The following PJA2 variants were observed in gnomAD, a reference collection of about 807,000 sequenced individuals.
The protein encoded by PJA2 is E3 ubiquitin-protein ligase Praja-2.
Under a neutral mutation model 69.3 loss-of-function variants are expected in PJA2, and 25 were observed. The observed-to-expected ratio is 0.36, with a 90% confidence interval of 0.26 to 0.50. The LOEUF (loss-of-function observed/expected upper bound fraction) is 0.50, where lower values mean the gene tolerates loss of function less well. PJA2 is among the 20% of genes least tolerant of loss of function. The pLI, the probability that PJA2 is intolerant of heterozygous loss-of-function variation, is 0.96. For missense variants in PJA2, 809 were observed against 830.2 expected (o/e 0.97, Z 0.31); for synonymous variants, 308 against 277.8 (o/e 1.11, Z -1.08).
rs1279409301 is a variant in PJA2, at chr5:109,368,575, T to G, written c.1455A>C (p.Leu485Phe). 2.5e-6 allele frequency: 4 copies of G among 1,613,480 alleles called. No homozygotes were observed. The Admixed American group carries it at 5.0e-5, about 20-fold the overall frequency. ...SSGPEEENQE[L>F]SLQEGEQTSL... is the part of the protein sequence containing the mutation. ...GTTGAACATACCCTTCCTGAAGAGA[T>G]AATTCTTGGTTTTCTTCTTCAGGGC... Residue 485 changes from leucine to phenylalanine, a missense_variant, in exon 5 of 10, where the codon TTA becomes TTC. By Grantham distance (22) the Leu-to-Phe change is conservative. Transcript: ENST00000361189.
intron 9 of PJA2, among the ~76,000 whole-genome samples, chr5:109,343,985 T>C (rs1298020738): frequency 6.6e-6 from 1 of 150,468 alleles, no homozygotes; most frequent in Non-Finnish European, 1.5e-5. Context: ...TAATCCCAGC[T>C]ACTTGGGAGG....
chr5:109,384,858 C>T (rs1156320336), intron 1 of PJA2, among the ~76,000 whole-genome samples: 2 of 152,060 alleles, frequency 1.3e-5, no homozygotes, highest in Non-Finnish European at 2.9e-5. Context: ...TGCTCTGTCG[C>T]CCAGGCTGGA....
chr5:109,353,740 C>CTATGATATCTAGAGATATCTA (rs1554053552), intron 7 of PJA2, among the ~76,000 whole-genome samples: 1 of 118,464 alleles, frequency 8.4e-6, no homozygotes, highest in Non-Finnish European at 1.8e-5. Context: ...ATCTAGATAT[C>CTATGATATCTAGAGATATCTA]TAGATTAGAT....
Position 109,378,569 on chromosome 5 carries a change from A to G in PJA2, c.918T>C (p.His306=). 1.2e-6 allele frequency: 2 copies of G among 1,614,102 alleles called. No individual in the cohort carries two copies. Among genetic ancestry groups the G allele is most frequent in the African/African-American group, 1.3e-5 (1 of 75,014 alleles). The change falls in exon 4 of 10, where the codon CAT becomes CAC. Residue 306 remains histidine (H), a synonymous_variant. Transcript: ENST00000361189. ...TCACTACCTGTTCAGGAGAACTTCC[A>G]TGGTTCTTTTCCCTATCATTGGTAT... ...EQNTNDREKN[H]GSSPEQVVRP...
chr5:109,401,145 G>A (rs1021551070), intron 1 of PJA2, among the ~76,000 whole-genome samples: 15 of 152,080 alleles, frequency 9.9e-5, no homozygotes, highest in African/African-American at 3.4e-4. Context: ...TTAGCCAGAC[G>A]TAGTGGCGGG....
Position 109,368,694 on chromosome 5 carries a change from C to G in PJA2, c.1336G>C (p.Gly446Arg). The G allele has an allele frequency of 6.2e-7, 1 of 1,614,004 alleles. No homozygotes were observed. The highest frequency in any genetic ancestry group is 1.3e-5 in the African/African-American group (1 of 75,004). ...CTTGAGGATTGATCTTTTTCTGTAC[C>G]AGAAAATCGATGAGGCAAAGAAGCA... ...WSASLPHRFS[G>R]TEKDQSSSDE... Residue 446 changes from glycine to arginine, a missense_variant, in exon 5 of 10, where the codon GGT (glycine) becomes CGT (arginine). Gly to Arg is a moderately radical substitution (Grantham distance 125). Around this residue, in one of 4 missense-constraint regions of PJA2, gnomAD observed 700 missense variants for 639.5 expected, o/e 1.09. Coordinates refer to ENST00000361189, the MANE Select transcript of PJA2 (RefSeq NM_014819.5).
rs1747096617 is a variant in PJA2, at chr5:109,383,534, A to G, written c.-87-14T>C. 1.0e-6 allele frequency: 1 copy of G among 957,154 alleles called. No homozygotes were observed. The highest frequency in any genetic ancestry group is 1.6e-5 in the African/African-American group (1 of 62,574). The allele number at this position is 957,154 out of a possible 1,614,324, so 59.3% of individuals were successfully genotyped here. The stretch of plus-strand genomic sequence containing the variant: ...CGCAGAAGATTCCTACAAAGAAACA[A>G]TGAATTGAACAATATATTAATAAAA... On this transcript the variant is annotated splice_polypyrimidine_tract_variant and intron_variant, in intron 1 of 9. Coordinates refer to ENST00000361189, the MANE Select transcript of PJA2 (RefSeq NM_014819.5).
chr5:109,394,300 C>CGCCTCT (rs1214646295), intron 1 of PJA2, among the ~76,000 whole-genome samples: 3 of 151,630 alleles, frequency 2.0e-5, no homozygotes, highest in Admixed American at 6.6e-5. Flanking sequence ...CACCCGCCTC[C>CGCCTCT]GCCTCTCAAA....
chr5:109,367,751 T>G (rs1311781016), intron 5 of PJA2, among the ~76,000 whole-genome samples: 1 of 152,196 alleles, frequency 6.6e-6, no homozygotes, highest in African/African-American at 2.4e-5. Flanking sequence ...GTGATCAGAT[T>G]TGGTTTATTT....
At chr5:109,382,394 G>A (rs1747071041) in intron 2 of PJA2, among the ~76,000 whole-genome samples, 1 of 152,146 alleles carries the variant, frequency 6.6e-6, no homozygotes, top group Admixed American at 6.5e-5. Context: ...TGTTGACTGA[G>A]GGGTATACAG....
chr5:109,387,419 A>G (rs1352992168), intron 1 of PJA2, among the ~76,000 whole-genome samples: 1 of 152,152 alleles, frequency 6.6e-6, no homozygotes, highest in South Asian at 2.1e-4. Flanking sequence ...AATCAGTCCA[A>G]ATTTGTAGCT....
chr5:109,345,697 T>C (rs541028873), intron 7 of PJA2, among the ~76,000 whole-genome samples: 19 of 152,290 alleles, frequency 1.2e-4, no homozygotes, highest in Non-Finnish European at 1.9e-4. Context: ...CTGAGGCTAC[T>C]AGAAGCTCCA....
At chr5:109,399,703 C>T (rs559202689) in intron 1 of PJA2, among the ~76,000 whole-genome samples, 1 of 152,226 alleles carries the variant, frequency 6.6e-6, no homozygotes, top group East Asian at 1.9e-4. Context: ...GTCTGCCATT[C>T]AGTCAAAAAT....
At position 109,353,445 on chromosome 5, in the gene PJA2, T is replaced by C. The variant is rs191959944; in HGVS notation, c.1764+2470A>G. Among the ~76,000 whole-genome samples, 258 of 40,824 alleles carry C rather than the reference T, an allele frequency of 6.3e-3. 3 individuals carry two copies. The highest frequency in any genetic ancestry group is 0.022 in the South Asian group (21 of 934). 26.8% of individuals were successfully genotyped at this position (40,824 alleles called of 152,430 possible). A position where few individuals can be genotyped will look rare whatever the true frequency, so the allele number is the denominator to read the frequency against. On this transcript the variant is annotated intron_variant, in intron 7 of 9. Transcript: ENST00000361189. The stretch of plus-strand genomic sequence containing the variant: ...TATATATTAGATACCTATATATAGA[T>C]ATCTATATATTAGATACCTATATCT...
chr5:109,348,285 C>T (rs1339445102), intron 7 of PJA2, among the ~76,000 whole-genome samples: 2 of 152,164 alleles, frequency 1.3e-5, no homozygotes, highest in African/African-American at 4.8e-5. Context: ...TTAAACCTCA[C>T]AATAGGGTAT....
chr5:109,385,538 A>G (rs1224152614), intron 1 of PJA2, among the ~76,000 whole-genome samples: 1 of 152,234 alleles, frequency 6.6e-6, no homozygotes, highest in Admixed American at 6.5e-5. Flanking sequence ...TAAGTTTGAG[A>G]TATCTATTAG....
At chr5:109,352,615 A>T (rs559812975) in intron 7 of PJA2, among the ~76,000 whole-genome samples, 35 of 152,186 alleles carry the variant, frequency 2.3e-4, no homozygotes, top group Non-Finnish European at 4.9e-4. Context: ...TATTTCTGCT[A>T]TGGTTACTTT....
intron 9 of PJA2, among the ~76,000 whole-genome samples, chr5:109,338,867 A>G (rs866928259): frequency 1.3e-5 from 2 of 152,196 alleles, no homozygotes; most frequent in Non-Finnish European, 2.9e-5. Flanking sequence ...ATCATGAATC[A>G]TTAAAGAGGA....
chr5:109,374,446 C>T (rs1192315366), intron 4 of PJA2, among the ~76,000 whole-genome samples: 2 of 152,120 alleles, frequency 1.3e-5, no homozygotes, highest in African/African-American at 4.8e-5. Flanking sequence ...GTAACCTACA[C>T]GGAACAGGAA....
Sources: allele counts gnomAD v4.1 joint callset (sites outside exome capture counted in the v4.1 genomes callset), GRCh38; gene constraint gnomAD v4.1.1; regional missense constraint gnomAD v4.1.1; transcripts MANE v1.5; gene names NCBI Gene and HGNC (gene_info 2026-07-23, HGNC 2026-07-21).